THADA: variants seen among roughly 807,000 people sequenced by gnomAD.
THADA encodes the protein tRNA (32-2'-O)-methyltransferase regulator THADA.
Under a neutral mutation model 219.8 loss-of-function variants are expected in THADA, and 213 were observed. The observed-to-expected ratio is 0.97, with a 90% CI of 0.87 to 1.09. The LOEUF is 1.09. Ranked by LOEUF, THADA falls within the 50% of genes least tolerant of loss-of-function variation. The pLI is 0.00. For missense variants in THADA, 2,956 were observed against 2,311.3 expected, an observed-to-expected ratio of 1.28 and a Z score of -5.72; for synonymous variants, 1,018 against 828.9, an observed-to-expected ratio of 1.23 and a Z score of -3.92.
At chr2:43,294,789 A>G (rs1286361172) in intron 31 of THADA, among the ~76,000 whole-genome samples, 1 of 152,144 alleles carries the variant, frequency 6.6e-6, no homozygotes, top group African/African-American at 2.4e-5. Context: ...AGGTGGGTTT[A>G]AGAAACGCTG....
At position 43,244,303 on chromosome 2, in the gene THADA, C is replaced by G. The variant is rs184977566; in HGVS notation, c.5297-11421G>C. 4.5e-4 allele frequency among the ~76,000 whole-genome samples: 69 copies of G among 152,332 alleles called. 1 individual carries two copies. Among genetic ancestry groups the G allele is most frequent in the African/African-American group, 1.6e-3 (68 of 41,586 alleles). ...AGCTCAAACCCTAGAAAAATACTTG[C>G]ATTTGTTCACTTCAAACCACAGTAG... On this transcript the variant is annotated intron_variant, in intron 36 of 37. Coordinates refer to ENST00000405975, the MANE Select transcript of THADA (RefSeq NM_022065.5).
At chr2:43,412,177 C>T (rs1676386443) in intron 28 of THADA, among the ~76,000 whole-genome samples, 1 of 152,120 alleles carries the variant, frequency 6.6e-6, no homozygotes, top group East Asian at 1.9e-4. Flanking sequence ...TTCTTTATTT[C>T]CGTTTGAGTT....
intron 30 of THADA, among the ~76,000 whole-genome samples, chr2:43,331,330 C>T (rs1364752880): frequency 1.3e-5 from 2 of 152,236 alleles, no homozygotes; most frequent in Non-Finnish European, 2.9e-5. Flanking sequence ...CAGGGGCTTC[C>T]AGGTGACAAG....
intron 28 of THADA, among the ~76,000 whole-genome samples, chr2:43,417,120 T>A (rs1185487210): frequency 2.7e-5 from 4 of 150,016 alleles, no homozygotes; most frequent in Non-Finnish European, 5.9e-5. Context: ...AGTTACTATA[T>A]GTGAAAGTAC....
At chr2:43,250,196 T>A (rs962800157) in intron 36 of THADA, among the ~76,000 whole-genome samples, 1 of 152,142 alleles carries the variant, frequency 6.6e-6, no homozygotes, top group African/African-American at 2.4e-5. Context: ...ATGTGGTAGA[T>A]CCATACAATG....
intron 36 of THADA, among the ~76,000 whole-genome samples, chr2:43,253,296 G>A (rs757461974): frequency 1.3e-5 from 2 of 152,206 alleles, no homozygotes; most frequent in Non-Finnish European, 2.9e-5. Flanking sequence ...AAGGATGTGT[G>A]CAGGGGAAAG....
intron 16 of THADA, among the ~76,000 whole-genome samples, chr2:43,558,496 C>G (rs1361729530): frequency 1.3e-5 from 2 of 152,144 alleles, no homozygotes; most frequent in Non-Finnish European, 1.5e-5. Context: ...AAGGCAGATC[C>G]ATCCTCCACC....
At chr2:43,327,815 C>T (rs74840816) in intron 30 of THADA, among the ~76,000 whole-genome samples, 4,738 of 152,232 alleles carry the variant, frequency 0.031, 254 homozygotes, top group African/African-American at 0.11. Context: ...TAGAGGATTA[C>T]TTTTCTAATG....
At chr2:43,264,359 C>T (rs896864798) in intron 36 of THADA, among the ~76,000 whole-genome samples, 1 of 150,526 alleles carries the variant, frequency 6.6e-6, no homozygotes, top group African/African-American at 2.5e-5. Flanking sequence ...CATCTCAGTT[C>T]ACCGAAACCT....
At chr2:43,549,117 T>G in intron 20 of THADA, 93 bp downstream of exon 20, 1 of 1,157,572 alleles carries the variant, frequency 8.6e-7, no homozygotes, top group Non-Finnish European at 1.2e-6. Context: ...CTGCACAGAT[T>G]TGCAACCTCT....
At chr2:43,322,674 CTTTTTTTTTTTTTTT>C (rs34557514) in intron 30 of THADA, among the ~76,000 whole-genome samples, 566 of 54,836 alleles carry the variant, frequency 0.01, 14 homozygotes, top group Middle Eastern at 0.024. Context: ...ACATTCTATT[CTTTTTTTTTTTTTTT>C]TTTTTTTTTT....
At chr2:43,593,438 C>T (rs1222141727) in intron 1 of THADA, among the ~76,000 whole-genome samples, 2 of 152,036 alleles carry the variant, frequency 1.3e-5, no homozygotes, top group South Asian at 2.1e-4. Flanking sequence ...ACAGCGCTGG[C>T]GGCCATACTC....
At chr2:43,476,183 T>C (rs1685518845) in intron 26 of THADA, among the ~76,000 whole-genome samples, 1 of 152,128 alleles carries the variant, frequency 6.6e-6, no homozygotes, top group Admixed American at 6.6e-5. Context: ...CAACAAGATA[T>C]GAAGAAAAGT....
At chr2:43,410,842 T>C (rs1676200913) in intron 28 of THADA, among the ~76,000 whole-genome samples, 1 of 152,202 alleles carries the variant, frequency 6.6e-6, no homozygotes, top group Non-Finnish European at 1.5e-5. Context: ...ACTTTAAACA[T>C]GTGCAGTTTA....
chr2:43,593,378 G>C (rs905481631), intron 1 of THADA, among the ~76,000 whole-genome samples: 2 of 152,162 alleles, frequency 1.3e-5, no homozygotes, highest in African/African-American at 4.8e-5. Flanking sequence ...AGCCATATCA[G>C]AGTGCATGAT....
intron 29 of THADA, among the ~76,000 whole-genome samples, chr2:43,392,997 T>A (rs1558687435): frequency 6.6e-6 from 1 of 152,180 alleles, no homozygotes; most frequent in Non-Finnish European, 1.5e-5. Context: ...TACCCAAGTT[T>A]GAGAGGTTTT....
At chr2:43,333,313 A>G (rs1341608181) in intron 30 of THADA, 1 of 152,128 alleles carries the variant, frequency 6.6e-6, no homozygotes, top group East Asian at 1.9e-4. Context: ...AAAATATACC[A>G]ACTTCATTTC....
chr2:43,232,279 C>T (rs1457663992), intron 37 of THADA, among the ~76,000 whole-genome samples: 5 of 151,744 alleles, frequency 3.3e-5, no homozygotes, highest in African/African-American at 1.2e-4. Context: ...CCCAGGTTCA[C>T]GCCATTCTCC....
At chr2:43,339,576 A>G (rs1666851758) in intron 30 of THADA, among the ~76,000 whole-genome samples, 1 of 152,186 alleles carries the variant, frequency 6.6e-6, no homozygotes, top group Non-Finnish European at 1.5e-5. Flanking sequence ...CACCGCACCC[A>G]GCCCTGACTA....
Sources: gnomAD v4.1 joint callset for allele counts (sites outside exome capture counted in the v4.1 genomes callset) on GRCh38, gnomAD v4.1.1 for gene constraint, MANE v1.5 for transcripts, NCBI Gene and HGNC (gene_info 2026-07-23, HGNC 2026-07-21) for gene names.